Variants in DPF3 observed in about 807,000 individuals in gnomAD.
The protein encoded by DPF3 is double PHD fingers 3.
A neutral mutation model predicts 56.8 loss-of-function variants in DPF3; 18 were observed. That is an observed-to-expected ratio of 0.32 (90% CI 0.22 to 0.47). The LOEUF is 0.47. DPF3 is among the 20% of genes least tolerant of loss of function. The pLI is 1.00. For synonymous variants in DPF3, 188 were observed against 180.2 expected (o/e 1.04, Z -0.35); for missense variants, 403 against 488.8 (o/e 0.82, Z 1.65).
At chr14:72,726,690 G>A (rs113014233) in intron 4 of DPF3, among the ~76,000 whole-genome samples, 7,925 of 152,180 alleles carry the variant, frequency 0.052, 278 homozygotes, top group Non-Finnish European at 0.077. Flanking sequence ...CGACGGGGGT[G>A]GGGTGTCCAA....
At position 72,875,155 on chromosome 14, in the gene DPF3, C is replaced by T. The variant is rs367656771; in HGVS notation, c.32+18902G>A. The stretch of plus-strand genomic sequence containing the variant: ...TGGCCTCCATGATTCAATTACCTCC[C>T]CATGGGTCTCTCCCACAACACATGG... On this transcript the variant is annotated intron_variant, in intron 1 of 10. Coordinates refer to ENST00000556509, the MANE Select transcript of DPF3 (RefSeq NM_001280542.3). 1.4e-4 allele frequency among the ~76,000 whole-genome samples: 22 copies of T among 152,288 alleles called. No individual in the cohort carries two copies. In the East Asian group the frequency reaches 2.3e-3, roughly 16 times the overall value.
rs114424047 is a variant in DPF3, at chr14:72,708,593, A to C, written c.604+5830T>G. 9.1e-3 allele frequency among the ~76,000 whole-genome samples: 1,379 copies of C among 152,306 alleles called. 27 individuals are homozygous for C. The highest frequency in any genetic ancestry group is 0.032 in the African/African-American group (1,316 of 41,566). ...AATATGTGCCTTAATGCCCTCAAAAAAATTTTTTTCTTAGCAAAACTGCAA... is the reference window on the plus strand; with the variant it reads ...AATATGTGCCTTAATGCCCTCAAAACAATTTTTTTCTTAGCAAAACTGCAA... On this transcript the variant is annotated intron_variant, in intron 6 of 10. Coordinates refer to ENST00000556509, the MANE Select transcript of DPF3 (RefSeq NM_001280542.3).
intron 7 of DPF3, among the ~76,000 whole-genome samples, chr14:72,677,782 C>T (rs1402783280): frequency 2.6e-5 from 4 of 152,066 alleles, no homozygotes; most frequent in Non-Finnish European, 5.9e-5. Context: ...TGGCCAGCTC[C>T]CAGAGTACAC....
At chr14:72,707,090 T>C (rs1013451718) in intron 6 of DPF3, among the ~76,000 whole-genome samples, 5 of 152,032 alleles carry the variant, frequency 3.3e-5, no homozygotes, top group African/African-American at 1.2e-4. Flanking sequence ...GGTTTTTTGT[T>C]CTTGCGATAG....
intron 8 of DPF3, among the ~76,000 whole-genome samples, chr14:72,637,677 T>C (rs2153567559): frequency 6.6e-6 from 1 of 152,306 alleles, no homozygotes; most frequent in East Asian, 1.9e-4. Context: ...CTGCTATCCA[T>C]GAAGCTGTAG....
chr14:72,843,609 C>T (rs916908110), intron 1 of DPF3, among the ~76,000 whole-genome samples: 1 of 152,190 alleles, frequency 6.6e-6, no homozygotes, highest in Non-Finnish European at 1.5e-5. Context: ...ATGGCGTGAC[C>T]TCGGCTCACT....
chr14:72,753,935 CCA>C (rs1890683284), intron 2 of DPF3, among the ~76,000 whole-genome samples: 1 of 152,046 alleles, frequency 6.6e-6, no homozygotes, highest in Non-Finnish European at 1.5e-5. Flanking sequence ...GAACATAAAC[CCA>C]CTCTGGTGAC....
intron 8 of DPF3, among the ~76,000 whole-genome samples, chr14:72,666,442 C>A (rs1886448332): frequency 6.6e-6 from 1 of 152,192 alleles, no homozygotes; most frequent in Non-Finnish European, 1.5e-5. Context: ...CTCAAGAAAT[C>A]TTCCAAAGAT....
At chr14:72,858,308 C>CAAA (rs34498163) in intron 1 of DPF3, among the ~76,000 whole-genome samples, 4,743 of 119,658 alleles carry the variant, frequency 0.04, 240 homozygotes, top group African/African-American at 0.12. Flanking sequence ...GACTCTATCT[C>CAAA]AAAAAAAAAA....
rs567977474 is a variant in DPF3 at position 72,637,158 on chromosome 14, A to T, written c.872-7422T>A. ...TAATAGGCTAAACAGCCAAGGGCTC[A>T]TGGCGCCATTCTCAAATGGTCCTAG... On this transcript the variant is annotated intron_variant, in intron 8 of 10. Transcript: ENST00000556509. 2.4e-4 allele frequency among the ~76,000 whole-genome samples: 37 copies of T among 152,352 alleles called. No homozygotes were observed. In the South Asian group the frequency reaches 7.5e-3, roughly 31 times the overall value.
At chr14:72,717,053 T>C (rs1224271526) in intron 5 of DPF3, among the ~76,000 whole-genome samples, 2 of 152,082 alleles carry the variant, frequency 1.3e-5, no homozygotes, top group East Asian at 3.9e-4. Context: ...CATTCACACG[T>C]TCATTCATTC....
chr14:72,724,243 T>C (rs1414742967), intron 4 of DPF3: 1 of 152,040 alleles, frequency 6.6e-6, no homozygotes, highest in Non-Finnish European at 1.5e-5. Flanking sequence ...TTTTTTTTTT[T>C]TTTAAGAAAA....
intron 8 of DPF3, among the ~76,000 whole-genome samples, chr14:72,637,605 G>A (rs1378826865): frequency 6.6e-6 from 1 of 152,100 alleles, no homozygotes; most frequent in Non-Finnish European, 1.5e-5. Flanking sequence ...TGAGTCCTTT[G>A]GACAAGTCAA....
intron 1 of DPF3, among the ~76,000 whole-genome samples, chr14:72,881,591 C>A (rs998483061): frequency 1.3e-5 from 2 of 152,102 alleles, no homozygotes; most frequent in Non-Finnish European, 2.9e-5. Flanking sequence ...TCAGGAAGAA[C>A]AAATGCGGAT....
chr14:72,800,643 TGGATGCATGGATGGATGCATGGATGAAC>T (rs1184451306), intron 1 of DPF3, among the ~76,000 whole-genome samples: 2 of 151,752 alleles, frequency 1.3e-5, no homozygotes, highest in Non-Finnish European at 2.9e-5. Context: ...GATGCACAGA[TGGATGCATGGATGGATGCATGGATGAAC>T]GGATGCATGG....
rs111577659 is a variant in DPF3 at position 72,738,329 on chromosome 14, T to C, written c.302-6395A>G. Among the ~76,000 whole-genome samples the C allele has an allele frequency of 6.4e-4, 98 of 152,142 alleles. 1 individual carries two copies. The highest frequency in any genetic ancestry group is 2.2e-3 in the African/African-American group (91 of 41,498). ...CCAGGCTGCACCCTGCAGGCCCTAT[T>C]ACCACTTGCTTTAGAATCTCAGGAT... On this transcript the variant is annotated intron_variant, in intron 3 of 10. Coordinates refer to ENST00000556509, the MANE Select transcript of DPF3 (RefSeq NM_001280542.3).
chr14:72,863,061 TATATATATATATATA>T (rs1885501331), intron 1 of DPF3, among the ~76,000 whole-genome samples: 1 of 1,334 alleles, frequency 7.5e-4, no homozygotes, highest in Non-Finnish European at 1.8e-3. Context: ...ATTCCATTTA[TATATATATATATATA>T]TATATATATA....
At position 72,617,812 on chromosome 14, in the gene DPF3, A is replaced by G. The variant is rs1184638088; in HGVS notation, c.*1485T>C. 1.3e-5 allele frequency among the ~76,000 whole-genome samples: 2 copies of G among 152,186 alleles called. No homozygotes were observed. Among genetic ancestry groups the G allele is most frequent in the African/African-American group, 4.8e-5 (2 of 41,450 alleles). Reference sequence around the variant, plus strand: ...CCTCAGGAGCTGAAGAACTAAAAATAACCTGGGCCTTTGTTGTGAGCAGCC... The same window carrying G: ...CCTCAGGAGCTGAAGAACTAAAAATGACCTGGGCCTTTGTTGTGAGCAGCC... On this transcript the variant is annotated 3_prime_UTR_variant, in exon 11 of 11. Coordinates refer to ENST00000556509, the MANE Select transcript of DPF3 (RefSeq NM_001280542.3).
In DPF3 at chr14:72,670,004, G is replaced by A. The variant is rs888106597; in HGVS notation, c.871+4236C>T. 4.1e-6 allele frequency: 4 copies of A among 985,868 alleles called. No individual in the cohort carries two copies. In the African/African-American group the frequency reaches 7.0e-5, roughly 17 times the overall value. 61.1% of individuals were successfully genotyped at this position (985,868 alleles called of 1,614,324 possible). A position where few individuals can be genotyped will look rare whatever the true frequency, so the allele number is the denominator to read the frequency against. Reference sequence around the variant, plus strand: ...ATTCTTGGGACTGTCAGTGAGGTGGGTGGCCTTCTCCATCGCCCCAGGGGC... The same window carrying A: ...ATTCTTGGGACTGTCAGTGAGGTGGATGGCCTTCTCCATCGCCCCAGGGGC... On this transcript the variant is annotated intron_variant, in intron 8 of 10. Transcript: ENST00000556509.
Sources: allele counts gnomAD v4.1 joint callset (sites outside exome capture counted in the v4.1 genomes callset), GRCh38; gene constraint gnomAD v4.1.1; transcripts MANE v1.5; gene names NCBI Gene and HGNC (gene_info 2026-07-23, HGNC 2026-07-21).